The following STARD9 variants were observed in gnomAD, a reference collection of about 807,000 sequenced individuals.
The protein encoded by STARD9 is StAR related lipid transfer domain containing 9.
A neutral mutation model predicts 399.8 loss-of-function variants in STARD9; 346 were observed. That is an observed-to-expected ratio of 0.87 (90% CI 0.79 to 0.95). The LOEUF (loss-of-function observed/expected upper bound fraction) is 0.95, where lower values mean the gene tolerates loss of function less well. Ranked by LOEUF, STARD9 falls within the 40% of genes least tolerant of loss-of-function variation. STARD9 has a pLI of 0.00. For missense variants in STARD9, 5,832 were observed against 5,667.5 expected (o/e 1.03, Z -0.93); for synonymous variants, 2,203 against 2,143.5 (o/e 1.03, Z -0.77).
intron 3 of STARD9, among the ~76,000 whole-genome samples, chr15:42,611,168 C>T (rs2058841141): frequency 6.6e-6 from 1 of 152,120 alleles, no homozygotes; most frequent in Non-Finnish European, 1.5e-5. Context: ...CTTGCCACCA[C>T]CTGTTTTAGA....
chr15:42,695,237 A>G lies in STARD9; in HGVS notation c.13060A>G (p.Ile4354Val). 1.3e-6 allele frequency: 2 copies of G among 1,537,192 alleles called. No homozygotes were observed. The highest frequency in any genetic ancestry group is 1.7e-6 in the Non-Finnish European group (2 of 1,146,872). ...GGCCCATGAGGAGGCCAAGGTGGAG[A>G]TTGCCCGGGCCCGAGACCAACTGCG... is the stretch of plus-strand genomic sequence containing the variant. ...QQAHEEAKVEIARARDQLRER... is the reference protein window; with the variant it reads ...QQAHEEAKVEVARARDQLRER... The change falls in exon 25 of 33, where the codon ATT becomes GTT. Residue 4354 changes from isoleucine to valine, a missense_variant. Transcript: ENST00000290607.
At chr15:42,606,887 A>G (rs553643975) in intron 3 of STARD9, among the ~76,000 whole-genome samples, 5 of 152,164 alleles carry the variant, frequency 3.3e-5, no homozygotes, top group South Asian at 2.1e-4. Flanking sequence ...TAGCTCACCC[A>G]TTATAGCAAA....
Position 42,675,920 on chromosome 15 carries a change from G to A in STARD9, c.1819G>A (p.Asp607Asn), listed in dbSNP as rs1490051131. The A allele has an allele frequency of 6.5e-7, 1 of 1,537,168 alleles. No homozygotes were observed. Among genetic ancestry groups the A allele is most frequent in the East Asian group, 2.4e-5 (1 of 40,910 alleles). ...GRGSLEWLDLDGDLAASRLGL... is the reference protein window; with the variant it reads ...GRGSLEWLDLNGDLAASRLGL... Reference sequence around the variant, plus strand: ...TGGCTCGTTGGAGTGGCTGGATTTGGATGGAGATCTCGCTGCCTCCCGGCT... The same window carrying A: ...TGGCTCGTTGGAGTGGCTGGATTTGAATGGAGATCTCGCTGCCTCCCGGCT... Residue 607 changes from aspartate (D) to asparagine (N), a missense_variant, in exon 20 of 33, where the codon GAT (aspartate) becomes AAT (asparagine). Transcript: ENST00000290607.
rs149080202 is a variant in STARD9, at chr15:42,673,937, G to A, written c.1498-503G>A. The A allele has an allele frequency of 3.5e-4, 161 of 456,454 alleles. 2 individuals carry two copies. The East Asian group carries it at 9.6e-3, about 27-fold the overall frequency. 28.3% of individuals were successfully genotyped at this position (456,454 alleles called of 1,614,324 possible). A position where few individuals can be genotyped will look rare whatever the true frequency, so the allele number is the denominator to read the frequency against. On this transcript the variant is annotated intron_variant, in intron 16 of 32. Coordinates refer to ENST00000290607, the MANE Select transcript of STARD9 (RefSeq NM_020759.3). ...TTACCCTTCTTAGAATCTGGTGTCT[G>A]TTAAACTTCATCTGCGGACCAAGAA...
rs973722582 is a variant in STARD9, at chr15:42,689,456, G to T, written c.7878G>T (p.Gly2626=). The change falls in exon 23 of 33, where the codon GGG becomes GGT. Residue 2626 remains glycine, a synonymous_variant. Coordinates refer to ENST00000290607, the MANE Select transcript of STARD9 (RefSeq NM_020759.3). ...TGGCATCTCTATCTGCTGAAGCAGG[G>T]CAGATAGATCTGTTACCTGATGAGA... ...FHVASLSAEA[G]QIDLLPDERK... 5.9e-6 allele frequency: 9 copies of T among 1,537,374 alleles called. No homozygotes were observed. Among genetic ancestry groups the T allele is most frequent in the African/African-American group, 1.4e-5 (1 of 73,154 alleles).
intron 9 of STARD9, among the ~76,000 whole-genome samples, chr15:42,654,652 A>G (rs2142002243): frequency 6.6e-6 from 1 of 152,334 alleles, no homozygotes; most frequent in African/African-American, 2.4e-5. Flanking sequence ...CAAGCTGAGA[A>G]TCAAATCAAG....
At chr15:42,601,554 G>A (rs1244456202) in intron 3 of STARD9, among the ~76,000 whole-genome samples, 5 of 149,084 alleles carry the variant, frequency 3.4e-5, no homozygotes, top group Non-Finnish European at 4.5e-5. Context: ...CCTCCCGGAC[G>A]GGGCGGCTGG....
intron 7 of STARD9, among the ~76,000 whole-genome samples, chr15:42,639,247 G>C (rs2059485428): frequency 6.6e-6 from 1 of 152,186 alleles, no homozygotes; most frequent in Non-Finnish European, 1.5e-5. Flanking sequence ...CTGGGAGAAG[G>C]CTTGATGTTT....
Position 42,665,328 on chromosome 15 carries a change from C to T in STARD9, c.1252C>T (p.Leu418=). Residue 418 remains leucine, a splice_region_variant and synonymous_variant, in exon 14 of 33, where the codon CTG becomes TTG. Transcript: ENST00000290607. ...RLKALLLSFE[L]RNFSSLSDEN... is the part of the protein sequence containing the mutation. ...GAAAGCCCTGCTGCTGAGCTTTGAA[C>T]TGGTATGCAGACAGTCAGAACCTTT... The T allele has an allele frequency of 6.5e-7, 1 of 1,536,512 alleles. No homozygotes were observed. Among genetic ancestry groups the T allele is most frequent in the Non-Finnish European group, 8.7e-7 (1 of 1,146,288 alleles).
intron 3 of STARD9, among the ~76,000 whole-genome samples, chr15:42,614,093 A>C (rs1241956337): frequency 6.6e-6 from 1 of 152,096 alleles, no homozygotes; most frequent in African/African-American, 2.4e-5. Flanking sequence ...CGGGCAGATC[A>C]CAAGGTCAGG....
At position 42,638,832 on chromosome 15, in the gene STARD9, G is replaced by A; in HGVS notation, c.559+20G>A. The A allele has an allele frequency of 6.9e-7, 1 of 1,448,462 alleles. No individual in the cohort carries two copies. Among genetic ancestry groups the A allele is most frequent in the Non-Finnish European group, 9.3e-7 (1 of 1,077,512 alleles). The allele number at this position is 1,448,462 out of a possible 1,614,324, so 89.7% of individuals were successfully genotyped here. ...TACAAGGTGAGCTACTGTGGTCCTG[G>A]AGATCTGAAACCAAACTGAAGCCTG... On this transcript the variant is annotated intron_variant, in intron 7 of 32. Coordinates refer to ENST00000290607, the MANE Select transcript of STARD9 (RefSeq NM_020759.3).
intron 3 of STARD9, chr15:42,629,954 T>C (rs2059296527): frequency 6.6e-6 from 1 of 151,970 alleles, no homozygotes; most frequent in African/African-American, 2.4e-5. Context: ...CATCCTTGCA[T>C]CCCTAGGATA....
intron 16 of STARD9, chr15:42,671,349 A>G (rs777435404): frequency 7.2e-5 from 11 of 152,102 alleles, no homozygotes; most frequent in African/African-American, 1.7e-4. Flanking sequence ...TAGTAAAGCA[A>G]TTTTACTTTT....
At chr15:42,702,784 T>C (rs2060994561) in intron 26 of STARD9, among the ~76,000 whole-genome samples, 1 of 152,230 alleles carries the variant, frequency 6.6e-6, no homozygotes. Flanking sequence ...TCTTCATGTC[T>C]GAAGGATAGT....
chr15:42,599,260 C>G (rs188267149), intron 3 of STARD9, among the ~76,000 whole-genome samples: 75 of 152,284 alleles, frequency 4.9e-4, no homozygotes, highest in Non-Finnish European at 2.6e-4. Flanking sequence ...TTTGTTTCCT[C>G]AACTGTATTT....
intron 26 of STARD9, among the ~76,000 whole-genome samples, chr15:42,702,412 C>T (rs953775262): frequency 1.2e-4 from 18 of 152,112 alleles, no homozygotes; most frequent in Non-Finnish European, 2.6e-4. Flanking sequence ...CTATGTTGGC[C>T]AGGCTGGTCT....
intron 3 of STARD9, among the ~76,000 whole-genome samples, chr15:42,590,177 G>A (rs1390780582): frequency 1.3e-5 from 2 of 149,552 alleles, no homozygotes; most frequent in Non-Finnish European, 3.0e-5. Context: ...TGCTCAGGCT[G>A]GTCTCAAACT....
At chr15:42,615,848 T>TA (rs749772609) in intron 3 of STARD9, among the ~76,000 whole-genome samples, 15 of 152,320 alleles carry the variant, frequency 9.8e-5, no homozygotes, top group Non-Finnish European at 1.5e-4. Context: ...AGCTAATAGA[T>TA]ACAGTCTTTA....
Position 42,690,290 on chromosome 15 carries a change from A to G in STARD9, c.8712A>G (p.Arg2904=), listed in dbSNP as rs2060660125. 2.6e-6 allele frequency: 4 copies of G among 1,537,246 alleles called. No homozygotes were observed. Among genetic ancestry groups the G allele is most frequent in the Non-Finnish European group, 3.5e-6 (4 of 1,146,906 alleles). The change falls in exon 23 of 33, where the codon AGA becomes AGG. Residue 2904 remains arginine, a synonymous_variant. Transcript: ENST00000290607. ...HSRPIPLPDQ[R]PSANPGGIGE... Reference sequence around the variant, plus strand: ...GGCCAATTCCACTGCCAGATCAAAGACCAAGCGCAAATCCTGGGGGAATTG... The same window carrying G: ...GGCCAATTCCACTGCCAGATCAAAGGCCAAGCGCAAATCCTGGGGGAATTG...
Sources: allele counts gnomAD v4.1 joint callset (sites outside exome capture counted in the v4.1 genomes callset), GRCh38; gene constraint gnomAD v4.1.1; transcripts MANE v1.5; gene names NCBI Gene and HGNC (gene_info 2026-07-23, HGNC 2026-07-21).